Variants in ZBTB16 observed in about 807,000 individuals in gnomAD.
The protein encoded by ZBTB16 is zinc finger and BTB domain-containing protein 16.
ZBTB16 carries 8 observed loss-of-function variants against 56.8 expected under a neutral mutation model. The ratio of observed to expected loss-of-function variants is 0.14; its 90% CI spans 0.08 to 0.25. The LOEUF (loss-of-function observed/expected upper bound fraction) is 0.25. ZBTB16 is among the 10% of genes least tolerant of loss of function. ZBTB16 has a pLI of 1.00. For missense variants in ZBTB16, 625 were observed against 903.0 expected (o/e 0.69, Z 3.95); for synonymous variants, 363 against 368.5 (o/e 0.98, Z 0.17).
intron 2 of ZBTB16, among the ~76,000 whole-genome samples, chr11:114,079,207 C>A (rs989470756): frequency 6.6e-6 from 1 of 152,072 alleles, no homozygotes; most frequent in South Asian, 2.1e-4. Context: ...CTTCTCTGAG[C>A]CCCTGTTTAC....
chr11:114,148,387 T>C (rs866178493), intron 2 of ZBTB16, among the ~76,000 whole-genome samples: 28 of 87,176 alleles, frequency 3.2e-4, no homozygotes, highest in African/African-American at 8.1e-4. Context: ...CTTCCTTCCT[T>C]CCTCCTTCCC....
chr11:114,207,911 G>A (rs1051236374), intron 4 of ZBTB16, among the ~76,000 whole-genome samples: 2 of 152,186 alleles, frequency 1.3e-5, no homozygotes, highest in Non-Finnish European at 2.9e-5. Context: ...ACCATGCCCA[G>A]CTAATTTTTG....
intron 3 of ZBTB16, among the ~76,000 whole-genome samples, chr11:114,161,846 G>C (rs944220348): frequency 1.3e-5 from 2 of 152,214 alleles, no homozygotes; most frequent in African/African-American, 4.8e-5. Context: ...TAGAATATAA[G>C]GTGAATAAAG....
intron 2 of ZBTB16, among the ~76,000 whole-genome samples, chr11:114,133,782 C>G (rs1329363914): frequency 6.6e-6 from 1 of 152,220 alleles, no homozygotes; most frequent in Non-Finnish European, 1.5e-5. Context: ...AGGTGTTCCA[C>G]TGGGTTGGCC....
At chr11:114,102,537 T>C (rs1940648740) in intron 2 of ZBTB16, among the ~76,000 whole-genome samples, 1 of 152,020 alleles carries the variant, frequency 6.6e-6, no homozygotes, top group Non-Finnish European at 1.5e-5. Context: ...TTCTTCCAGG[T>C]AAGTCCCCCC....
chr11:114,125,563 T>C (rs1300733981), intron 2 of ZBTB16, among the ~76,000 whole-genome samples: 1 of 152,032 alleles, frequency 6.6e-6, no homozygotes, highest in African/African-American at 2.4e-5. Flanking sequence ...TGTAGGACTT[T>C]TTTTTTTTTC....
intron 6 of ZBTB16, among the ~76,000 whole-genome samples, chr11:114,247,877 G>A (rs1181730685): frequency 6.7e-6 from 1 of 149,168 alleles, no homozygotes; most frequent in Non-Finnish European, 1.5e-5. Flanking sequence ...TGCATATGAT[G>A]TTTTACCACT....
intron 4 of ZBTB16, among the ~76,000 whole-genome samples, chr11:114,195,073 A>T (rs1168566155): frequency 6.6e-6 from 1 of 152,250 alleles, no homozygotes; most frequent in Non-Finnish European, 1.5e-5. Flanking sequence ...CAAACTAATT[A>T]GGAGTGGGTT....
In ZBTB16 at chr11:114,129,575, C is replaced by T. The variant is rs965538157; in HGVS notation, c.1269-26762C>T. ...ATTCTGTCTGGTCTCTCTTGCCCTCCGCCCCTTTTTCTTCTTCCTCCCTCT... is the reference window on the plus strand; with the variant it reads ...ATTCTGTCTGGTCTCTCTTGCCCTCTGCCCCTTTTTCTTCTTCCTCCCTCT... On this transcript the variant is annotated intron_variant, in intron 2 of 6. Transcript: ENST00000335953. Among the ~76,000 whole-genome samples the T allele has an allele frequency of 5.9e-5, 9 of 152,336 alleles. No homozygotes were observed. The East Asian group carries it at 7.7e-4, about 13-fold the overall frequency.
At chr11:114,179,197 T>C (rs887497013) in intron 3 of ZBTB16, among the ~76,000 whole-genome samples, 2 of 152,212 alleles carry the variant, frequency 1.3e-5, no homozygotes, top group Non-Finnish European at 2.9e-5. Flanking sequence ...CCCTCTTCCC[T>C]GAATCTGTGT....
intron 2 of ZBTB16, among the ~76,000 whole-genome samples, chr11:114,151,821 A>G (rs1049876665): frequency 6.6e-6 from 1 of 152,172 alleles, no homozygotes; most frequent in Non-Finnish European, 1.5e-5. Flanking sequence ...TACCCTGCAG[A>G]GAGTAGACAT....
intron 2 of ZBTB16, among the ~76,000 whole-genome samples, chr11:114,101,165 C>T (rs1940596668): frequency 6.6e-6 from 1 of 152,062 alleles, no homozygotes; most frequent in Non-Finnish European, 1.5e-5. Context: ...CCACCACAGC[C>T]TGCTAATTTT....
At chr11:114,082,105 G>A (rs1939784935) in intron 2 of ZBTB16, among the ~76,000 whole-genome samples, 1 of 107,464 alleles carries the variant, frequency 9.3e-6, no homozygotes, top group South Asian at 3.6e-4. Flanking sequence ...AATATAGCGA[G>A]ACGATCTTTA....
At chr11:114,128,353 A>T (rs948042996) in intron 2 of ZBTB16, among the ~76,000 whole-genome samples, 3 of 152,148 alleles carry the variant, frequency 2.0e-5, no homozygotes, top group Non-Finnish European at 4.4e-5. Context: ...ACAGCCACCC[A>T]CTACTTCTGC....
chr11:114,095,267 T>TTTG, intron 2 of ZBTB16, among the ~76,000 whole-genome samples: 1 of 140,674 alleles, frequency 7.1e-6, no homozygotes, highest in Non-Finnish European at 1.5e-5. Flanking sequence ...TTTTTTTTTT[T>TTTG]TTTTGTGATG....
chr11:114,216,104 G>A (rs780764237), intron 4 of ZBTB16, among the ~76,000 whole-genome samples: 2 of 152,222 alleles, frequency 1.3e-5, no homozygotes, highest in African/African-American at 2.4e-5. Context: ...AGCTCTGAGC[G>A]AACCTTTCCA....
In ZBTB16 at chr11:114,207,590, AACACAC is replaced by A. The variant is rs66489516; in HGVS notation, c.1453+20584_1453+20589del. On this transcript the variant is annotated intron_variant, in intron 4 of 6. Transcript: ENST00000335953. ...TCTTGTTTGCCTGATACACACACAC[AACACAC>A]ACACACACACACACACACACACACA... Among the ~76,000 whole-genome samples, 450 of 143,706 alleles carry A rather than the reference AACACAC, an allele frequency of 3.1e-3. 2 individuals are homozygous for A. Among genetic ancestry groups the A allele is most frequent in the African/African-American group, 7.7e-3 (299 of 38,632 alleles). 94.3% of individuals were successfully genotyped at this position (143,706 alleles called of 152,430 possible).
chr11:114,121,487 G>A (rs928947060), intron 2 of ZBTB16, among the ~76,000 whole-genome samples: 1 of 152,128 alleles, frequency 6.6e-6, no homozygotes, highest in Non-Finnish European at 1.5e-5. Context: ...TCTCATGCCT[G>A]GTTCTTGATT....
At chr11:114,242,139 G>A in intron 4 of ZBTB16, 28 bp from the exon 5 acceptor site, 1 of 1,613,168 alleles carries the variant, frequency 6.2e-7, no homozygotes, top group Non-Finnish European at 8.5e-7. Context: ...CCACCTTTCT[G>A]AGGCACCCCC....
Sources: gnomAD v4.1 joint callset for allele counts (sites outside exome capture counted in the v4.1 genomes callset) on GRCh38, gnomAD v4.1.1 for gene constraint, MANE v1.5 for transcripts, NCBI Gene and HGNC (gene_info 2026-07-23, HGNC 2026-07-21) for gene names.